The following CDC42BPA variants were observed in gnomAD, a reference collection of about 807,000 sequenced individuals.
CDC42BPA encodes serine/threonine-protein kinase MRCK alpha.
CDC42BPA carries 80 observed loss-of-function variants against 223.5 expected under a neutral mutation model. That is an observed-to-expected ratio of 0.36 (90% CI 0.30 to 0.43). The LOEUF is 0.43. Ranked by LOEUF, CDC42BPA falls within the 20% of genes least tolerant of loss-of-function variation. The probability of loss-of-function intolerance (pLI) is 1.00; values close to 1 mark genes in which losing one functional copy is unlikely to be tolerated. For missense variants in CDC42BPA, 1,743 were observed against 2,099.9 expected, an observed-to-expected ratio of 0.83 and a Z score of 3.32; for synonymous variants, 694 against 718.6, an observed-to-expected ratio of 0.97 and a Z score of 0.55.
intron 2 of CDC42BPA, among the ~76,000 whole-genome samples, chr1:227,240,801 CAT>C (rs1360635732): frequency 6.7e-6 from 1 of 150,238 alleles, no homozygotes; most frequent in Non-Finnish European, 1.5e-5. Context: ...AAAAAAAAAA[CAT>C]AGATATCTTT....
intron 2 of CDC42BPA, among the ~76,000 whole-genome samples, chr1:227,246,683 C>G (rs1681031375): frequency 6.6e-6 from 1 of 150,518 alleles, no homozygotes; most frequent in Non-Finnish European, 1.5e-5. Flanking sequence ...GAACCCAAGT[C>G]CCTTCAAATA....
chr1:227,023,738 G>A (rs1326176770), intron 31 of CDC42BPA, among the ~76,000 whole-genome samples: 1 of 152,162 alleles, frequency 6.6e-6, no homozygotes, highest in Non-Finnish European at 1.5e-5. Flanking sequence ...AGATCACTGG[G>A]GAAAGGAGGG....
chr1:227,060,270 A>T (rs1162775091), intron 21 of CDC42BPA, among the ~76,000 whole-genome samples: 1 of 152,062 alleles, frequency 6.6e-6, no homozygotes, highest in Non-Finnish European at 1.5e-5. Flanking sequence ...TGACCTCGTG[A>T]TCCACCCACC....
chr1:227,253,233 A>G (rs1002404690), intron 2 of CDC42BPA, among the ~76,000 whole-genome samples: 1 of 145,042 alleles, frequency 6.9e-6, no homozygotes, highest in Non-Finnish European at 1.5e-5. Flanking sequence ...GAGGAGGGAG[A>G]GAGAGAAAGA....
At chr1:227,070,865 T>A (rs1386818923) in intron 20 of CDC42BPA, among the ~76,000 whole-genome samples, 1 of 151,878 alleles carries the variant, frequency 6.6e-6, no homozygotes, top group African/African-American at 2.4e-5. Flanking sequence ...CAAGTTTAGG[T>A]CTATTCTAAA....
Position 227,031,521 on chromosome 1 carries a change from C to T in CDC42BPA, c.3559-7G>A, listed in dbSNP as rs2148666898. On this transcript the variant is annotated splice_region_variant and splice_polypyrimidine_tract_variant and intron_variant, in intron 27 of 36. Transcript: ENST00000366766. ...AGAGCTGGGAAGCTGTGACCTAGAACAATTTAATCAATATTCATGATATTA... is the reference window on the plus strand; with the variant it reads ...AGAGCTGGGAAGCTGTGACCTAGAATAATTTAATCAATATTCATGATATTA... 1 of 1,603,880 alleles carries T rather than the reference C, an allele frequency of 6.2e-7. No individual in the cohort carries two copies. The highest frequency in any genetic ancestry group is 1.7e-4 in the Middle Eastern group (1 of 6,046).
At position 227,069,858 on chromosome 1, in the gene CDC42BPA, A is replaced by G; in HGVS notation, c.2828-5T>C. On this transcript the variant is annotated splice_polypyrimidine_tract_variant and splice_region_variant and intron_variant, in intron 20 of 36. Transcript: ENST00000366766. ...GTGAGTCTTGGTGCTCTATACCTAG[A>G]AGACAGCAGCAACTTTTTTTAAGGC... 1 of 1,606,014 alleles carries G rather than the reference A, an allele frequency of 6.2e-7. No homozygotes were observed. Among genetic ancestry groups the G allele is most frequent in the Non-Finnish European group, 8.5e-7 (1 of 1,173,904 alleles).
At chr1:227,289,768 G>A (rs1044164694) in intron 1 of CDC42BPA, among the ~76,000 whole-genome samples, 2 of 151,820 alleles carry the variant, frequency 1.3e-5, no homozygotes, top group Non-Finnish European at 1.5e-5. Context: ...ATGTTTCGGC[G>A]GAAAATAATT....
intron 2 of CDC42BPA, among the ~76,000 whole-genome samples, chr1:227,236,738 T>C (rs910647100): frequency 6.6e-6 from 1 of 152,054 alleles, no homozygotes; most frequent in Non-Finnish European, 1.5e-5. Context: ...ACCTTTCCAA[T>C]GGAGTTAACC....
At chr1:227,268,633 G>GTGTATATATATATATACATATATATA (rs1685437039) in intron 1 of CDC42BPA, among the ~76,000 whole-genome samples, 1 of 145,698 alleles carries the variant, frequency 6.9e-6, no homozygotes, top group Non-Finnish European at 1.5e-5. Flanking sequence ...TATAGTATGT[G>GTGTATATATATATATACATATATATA]TATATATATA....
At chr1:227,175,010 T>C (rs1666716918) in intron 5 of CDC42BPA, among the ~76,000 whole-genome samples, 1 of 152,148 alleles carries the variant, frequency 6.6e-6, no homozygotes, top group Non-Finnish European at 1.5e-5. Flanking sequence ...TGTGATTCTT[T>C]ATTCCTTTTT....
intron 16 of CDC42BPA, among the ~76,000 whole-genome samples, chr1:227,083,751 G>A (rs1338376343): frequency 6.6e-6 from 1 of 152,132 alleles, no homozygotes; most frequent in African/African-American, 2.4e-5. Flanking sequence ...ATCAAAGATT[G>A]AAATACTTGG....
chr1:227,211,016 C>G (rs1673780313), intron 3 of CDC42BPA, among the ~76,000 whole-genome samples: 1 of 152,164 alleles, frequency 6.6e-6, no homozygotes, highest in South Asian at 2.1e-4. Flanking sequence ...AATCCTATCT[C>G]CCTCCCTTCC....
chr1:227,094,073 G>T (rs1683552051), intron 15 of CDC42BPA, among the ~76,000 whole-genome samples: 3 of 152,174 alleles, frequency 2.0e-5, no homozygotes, highest in Admixed American at 1.3e-4. Context: ...TGACAGTTAA[G>T]ATCACAGCAG....
At position 227,112,640 on chromosome 1, in the gene CDC42BPA, T is replaced by C. The variant is rs771865622; in HGVS notation, c.1890+31A>G. The C allele has an allele frequency of 5.0e-6, 8 of 1,608,508 alleles. No homozygotes were observed. The South Asian group carries it at 6.7e-5, about 13-fold the overall frequency. On this transcript the variant is annotated intron_variant, in intron 13 of 36. Coordinates refer to ENST00000366766, the MANE Select transcript of CDC42BPA (RefSeq NM_001394014.1). ...AAAAGCAGCTTTAATCACTATCCCA[T>C]GGGCACTACAAAATTTGCCTGACTA... is the stretch of plus-strand genomic sequence containing the variant.
intron 1 of CDC42BPA, among the ~76,000 whole-genome samples, chr1:227,310,806 C>T (rs1693390664): frequency 6.6e-6 from 1 of 151,718 alleles, no homozygotes; most frequent in South Asian, 2.1e-4. Context: ...CCCACCTCAG[C>T]CTCCTGAGTA....
chr1:227,214,130 G>A (rs1270892419), intron 2 of CDC42BPA, among the ~76,000 whole-genome samples: 2 of 151,930 alleles, frequency 1.3e-5, no homozygotes, highest in Non-Finnish European at 2.9e-5. Context: ...CAGAAAGGGA[G>A]GTCAAACTAT....
chr1:227,078,974 T>C (rs1328212297), intron 17 of CDC42BPA, among the ~76,000 whole-genome samples: 2 of 152,064 alleles, frequency 1.3e-5, no homozygotes, highest in African/African-American at 4.8e-5. Flanking sequence ...AAATCCAAAA[T>C]ACTTCCGGTC....
intron 1 of CDC42BPA, among the ~76,000 whole-genome samples, chr1:227,265,951 A>C (rs1010367943): frequency 1.2e-4 from 19 of 152,172 alleles, no homozygotes; most frequent in African/African-American, 4.1e-4. Context: ...AAAACTCAAG[A>C]ATTCCGGGGA....
Sources: allele counts gnomAD v4.1 joint callset (sites outside exome capture counted in the v4.1 genomes callset), GRCh38; gene constraint gnomAD v4.1.1; transcripts MANE v1.5; gene names NCBI Gene and HGNC (gene_info 2026-07-23, HGNC 2026-07-21).